Variants in MTG1 observed in about 807,000 individuals in gnomAD.
MTG1 encodes mitochondrial ribosome-associated GTPase 1.
Under a neutral mutation model 39.5 loss-of-function variants are expected in MTG1, and 30 were observed. The ratio of observed to expected loss-of-function variants is 0.76; its 90% CI spans 0.57 to 1.03. The LOEUF (loss-of-function observed/expected upper bound fraction) is 1.03, where lower values mean the gene tolerates loss of function less well. MTG1 is among the 50% of genes least tolerant of loss of function. MTG1 has a pLI of 0.00. For synonymous variants in MTG1, 217 were observed against 179.0 expected, an observed-to-expected ratio of 1.21 and a Z score of -1.69; for missense variants, 513 against 447.4, an observed-to-expected ratio of 1.15 and a Z score of -1.32.
At chr10:133,414,620 A>G (rs184910968) in intron 9 of MTG1, among the ~76,000 whole-genome samples, 6,396 of 150,504 alleles carry the variant, frequency 0.042, 185 homozygotes, top group Middle Eastern at 0.056. Context: ...GCGGCCGGGA[A>G]GAGGCGCTCA....
At chr10:133,399,286 C>T in intron 5 of MTG1, 60 bp downstream of exon 5, 1 of 1,572,448 alleles carries the variant, frequency 6.4e-7, no homozygotes, top group Non-Finnish European at 8.7e-7. Flanking sequence ...GCCAGCCCCT[C>T]CTGCCTGGCC....
intron 9 of MTG1, among the ~76,000 whole-genome samples, chr10:133,416,240 A>G (rs1344918815): frequency 6.6e-6 from 1 of 152,038 alleles, no homozygotes; most frequent in African/African-American, 2.4e-5. Context: ...TTTAAAAAAT[A>G]TCTTTCGTGT....
chr10:133,411,393 G>A (rs773571346), intron 9 of MTG1, among the ~76,000 whole-genome samples: 3 of 152,122 alleles, frequency 2.0e-5, no homozygotes, highest in Non-Finnish European at 2.9e-5. Context: ...TGACTTTTGA[G>A]AGTTTGATTA....
At position 133,402,263 on chromosome 10, in the gene MTG1, CTG is replaced by C; in HGVS notation, c.670+19_670+20del. The C allele has an allele frequency of 1.3e-6, 2 of 1,532,018 alleles. No individual in the cohort carries two copies. The highest frequency in any genetic ancestry group is 2.7e-5 in the African/African-American group (2 of 74,296). 94.9% of individuals were successfully genotyped at this position (1,532,018 alleles called of 1,614,324 possible). ...CCTGTGTGGTGAGCCGGGGCTGGGG[CTG>C]GGGCTGGGGCTGGGACCGGGGCCCC... On this transcript the variant is annotated intron_variant, in intron 8 of 10. Coordinates refer to ENST00000317502, the MANE Select transcript of MTG1 (RefSeq NM_138384.4). The surrounding 1 kb of genome is among the most constrained non-coding windows in gnomAD (Gnocchi z 4.7).
rs956271206 is a variant in MTG1 at position 133,394,389 on chromosome 10, C to A, written c.112+57C>A. On this transcript the variant is annotated intron_variant, in intron 1 of 10. Coordinates refer to ENST00000317502, the MANE Select transcript of MTG1 (RefSeq NM_138384.4). ...CCTACGGCCGCGGCGCCTCTGCTTC[C>A]CTCCCACCCCGGTTTCGGCCGTCGC... The A allele has an allele frequency of 3.6e-6, 5 of 1,383,470 alleles. No individual in the cohort carries two copies. In the African/African-American group the frequency reaches 7.6e-5, roughly 21 times the overall value. The allele number at this position is 1,383,470 out of a possible 1,614,324, so 85.7% of individuals were successfully genotyped here.
chr10:133,405,440 A>AT (rs1392687869), intron 9 of MTG1, among the ~76,000 whole-genome samples: 1 of 152,166 alleles, frequency 6.6e-6, no homozygotes, highest in Admixed American at 6.6e-5. Flanking sequence ...TATCCTGTAG[A>AT]TTCCTGTTAA....
intron 1 of MTG1, 49 bp from the exon 2 acceptor site, chr10:133,395,664 T>G (rs756724966): frequency 3.8e-6 from 6 of 1,589,810 alleles, no homozygotes; most frequent in Non-Finnish European, 4.3e-6. Flanking sequence ...AATCGATCAC[T>G]CTAGAAAGGT....
Position 133,420,180 on chromosome 10 carries a change from G to T in MTG1, c.*15G>T. ...CTTTGCCCTGAACTTGTCCGGGTAG[G>T]GAGGGCCGGAGGCATGTGGCCTCCC... On this transcript the variant is annotated 3_prime_UTR_variant, in exon 11 of 11. Transcript: ENST00000317502. The T allele has an allele frequency of 6.3e-7, 1 of 1,594,578 alleles. No individual in the cohort carries two copies. The highest frequency in any genetic ancestry group is 8.5e-7 in the Non-Finnish European group (1 of 1,170,208).
chr10:133,401,183 G>A (rs1474464417), intron 6 of MTG1, among the ~76,000 whole-genome samples: 5 of 152,208 alleles, frequency 3.3e-5, no homozygotes, highest in Non-Finnish European at 7.3e-5. Flanking sequence ...GCTCAGGTCT[G>A]ACCTCCGCAG....
intron 9 of MTG1, among the ~76,000 whole-genome samples, chr10:133,409,007 A>AT (rs558142721): frequency 1.4e-4 from 20 of 141,260 alleles, no homozygotes; most frequent in East Asian, 1.1e-3. Flanking sequence ...GATCTTTGGT[A>AT]TTTTTTTTTT....
chr10:133,401,924 A>G (rs1849884254), intron 7 of MTG1: 1 of 612,568 alleles, frequency 1.6e-6, no homozygotes, highest in African/African-American at 1.8e-5. Flanking sequence ...TGGGAGCAGA[A>G]GACAAGCTGT....
chr10:133,397,416 C>G (rs1849798686), intron 3 of MTG1, among the ~76,000 whole-genome samples: 3 of 151,664 alleles, frequency 2.0e-5, no homozygotes, highest in Non-Finnish European at 2.9e-5. Flanking sequence ...GTCTCTGCAT[C>G]TTGGTGGTAG....
chr10:133,402,273 G>A lies in MTG1; in HGVS notation c.670+28G>A. 1 of 1,612,562 alleles carries A rather than the reference G, an allele frequency of 6.2e-7. No individual in the cohort carries two copies. ...GAGCCGGGGCTGGGGCTGGGGCTGG[G>A]GCTGGGACCGGGGCCCCTGCCACCC... On this transcript the variant is annotated intron_variant, in intron 8 of 10. Transcript: ENST00000317502. The surrounding 1 kb of genome is among the most constrained non-coding windows in gnomAD (Gnocchi z 4.7).
chr10:133,403,566 G>A (rs1168162078), intron 9 of MTG1, among the ~76,000 whole-genome samples: 1 of 152,236 alleles, frequency 6.6e-6, no homozygotes, highest in Non-Finnish European at 1.5e-5. Flanking sequence ...CACTCGGCAC[G>A]ATTGTTGTGT....
chr10:133,401,681 AC>A, intron 7 of MTG1, 91 bp downstream of exon 7: 2 of 1,264,012 alleles, frequency 1.6e-6, no homozygotes, highest in Non-Finnish European at 2.3e-6. Context: ...CCGGCTGCTG[AC>A]CACGCTTCCC....
chr10:133,405,363 A>G (rs956298549), intron 9 of MTG1, among the ~76,000 whole-genome samples: 1 of 152,226 alleles, frequency 6.6e-6, no homozygotes, highest in Non-Finnish European at 1.5e-5. Flanking sequence ...TAATTGGGAT[A>G]TCCATCATCC....
At chr10:133,395,284 A>G (rs1849765330) in intron 1 of MTG1, among the ~76,000 whole-genome samples, 1 of 152,086 alleles carries the variant, frequency 6.6e-6, no homozygotes, top group Non-Finnish European at 1.5e-5. Context: ...AGTCCCAGCT[A>G]CTCGGGAGGC....
At chr10:133,399,028 G>T in intron 4 of MTG1, 142 bp from the exon 5 acceptor site, 1 of 887,824 alleles carries the variant, frequency 1.1e-6, no homozygotes, top group Non-Finnish European at 1.8e-6. Context: ...TAGAATTCCA[G>T]ATAGGAGGTT....
intron 1 of MTG1, 48 bp from the exon 2 acceptor site, chr10:133,395,665 C>T (rs1172792323): frequency 6.3e-7 from 1 of 1,591,808 alleles, no homozygotes; most frequent in Admixed American, 1.7e-5. Flanking sequence ...ATCGATCACT[C>T]TAGAAAGGTT....
Sources: allele counts gnomAD v4.1 joint callset (sites outside exome capture counted in the v4.1 genomes callset), GRCh38; gene constraint gnomAD v4.1.1; non-coding constraint Gnocchi (gnomAD v3.1); transcripts MANE v1.5; gene names NCBI Gene and HGNC (gene_info 2026-07-23, HGNC 2026-07-21).